QKI: variants seen among roughly 807,000 people sequenced by gnomAD.
The protein encoded by QKI is KH domain-containing RNA-binding protein QKI.
QKI carries 10 observed loss-of-function variants against 39.0 expected under a neutral mutation model. The observed-to-expected ratio is 0.26, with a 90% CI of 0.16 to 0.43. The LOEUF (loss-of-function observed/expected upper bound fraction) is 0.43, where lower values mean the gene tolerates loss of function less well. Ranked by LOEUF, QKI falls within the 20% of genes least tolerant of loss-of-function variation. QKI has a pLI of 1.00. For synonymous variants in QKI, 204 were observed against 155.4 expected (o/e 1.31, Z -2.33); for missense variants, 218 against 428.0 (o/e 0.51, Z 4.33).
intron 1 of QKI, among the ~76,000 whole-genome samples, chr6:163,440,800 G>C (rs541131561): frequency 2.9e-4 from 44 of 152,122 alleles, no homozygotes; most frequent in African/African-American, 9.6e-4. Context: ...CTGGTACAGA[G>C]TAGGTGTAAA....
intron 3 of QKI, among the ~76,000 whole-genome samples, chr6:163,483,191 A>G (rs1562476907): frequency 6.6e-6 from 1 of 152,238 alleles, no homozygotes; most frequent in Non-Finnish European, 1.5e-5. Flanking sequence ...TAGTTTAAAA[A>G]TACTTTATTG....
intron 1 of QKI, among the ~76,000 whole-genome samples, chr6:163,417,883 A>G (rs767445327): frequency 2.6e-5 from 4 of 152,184 alleles, no homozygotes; most frequent in African/African-American, 4.8e-5. Flanking sequence ...AAAAAGGGCT[A>G]TTCCTTAGTG....
At chr6:163,526,300 A>G (rs371496197) in intron 3 of QKI, among the ~76,000 whole-genome samples, 1 of 152,228 alleles carries the variant, frequency 6.6e-6, no homozygotes, top group Non-Finnish European at 1.5e-5. Flanking sequence ...CTGGTATACT[A>G]TCAGTAAATA....
intron 3 of QKI, among the ~76,000 whole-genome samples, chr6:163,516,129 T>C (rs992827362): frequency 6.6e-6 from 1 of 152,166 alleles, no homozygotes; most frequent in African/African-American, 2.4e-5. Context: ...CCTTCATTAA[T>C]GTCTTTCCTT....
chr6:163,472,318 G>A (rs925242345), intron 2 of QKI, among the ~76,000 whole-genome samples: 9 of 152,102 alleles, frequency 5.9e-5, no homozygotes, highest in African/African-American at 2.2e-4. Context: ...CTTCATCCTG[G>A]TGGTCTTTAC....
chr6:163,537,669 T>G (rs1781284240), intron 4 of QKI, among the ~76,000 whole-genome samples: 1 of 152,230 alleles, frequency 6.6e-6, no homozygotes, highest in Non-Finnish European at 1.5e-5. Flanking sequence ...TTGGGTAGTT[T>G]AGACTTTTTA....
chr6:163,525,666 T>C (rs1780466119), intron 3 of QKI, among the ~76,000 whole-genome samples: 1 of 152,076 alleles, frequency 6.6e-6, no homozygotes, highest in Non-Finnish European at 1.5e-5. Context: ...CGCCCGGCCA[T>C]CTTGTTTCTT....
At chr6:163,514,762 G>A (rs1180961154) in intron 3 of QKI, among the ~76,000 whole-genome samples, 12 of 152,126 alleles carry the variant, frequency 7.9e-5, no homozygotes, top group Non-Finnish European at 1.8e-4. Flanking sequence ...ATCTTTTGAT[G>A]GATCACATGC....
chr6:163,534,073 A>G lies in QKI; in HGVS notation c.403-909A>G, dbSNP rs943779256. On this transcript the variant is annotated intron_variant, in intron 3 of 7. Transcript: ENST00000361752. ...CTGTGTGCCAGGTGCATTTATATTTACCATTTATATACTACTTATATATTC... is the reference window on the plus strand; with the variant it reads ...CTGTGTGCCAGGTGCATTTATATTTGCCATTTATATACTACTTATATATTC... Among the ~76,000 whole-genome samples, 6 of 152,264 alleles carry G rather than the reference A, an allele frequency of 3.9e-5. No homozygotes were observed. In the East Asian group the frequency reaches 1.2e-3, roughly 29 times the overall value.
intron 3 of QKI, among the ~76,000 whole-genome samples, chr6:163,513,239 A>G (rs552313799): frequency 3.9e-5 from 6 of 152,202 alleles, no homozygotes; most frequent in Non-Finnish European, 7.4e-5. Context: ...GGACGACTAT[A>G]TTGATGATTA....
intron 2 of QKI, among the ~76,000 whole-genome samples, chr6:163,464,583 A>C (rs1428435087): frequency 6.6e-6 from 1 of 152,184 alleles, no homozygotes; most frequent in Non-Finnish European, 1.5e-5. Context: ...AATTGAACAA[A>C]CTAGAAGAAA....
intron 3 of QKI, among the ~76,000 whole-genome samples, chr6:163,519,836 T>C (rs563145790): frequency 6.6e-6 from 1 of 152,260 alleles, no homozygotes. Context: ...TTGTTTAATA[T>C]CTCAGAAAAT....
At chr6:163,558,409 T>TC (rs1370044116) in intron 4 of QKI, among the ~76,000 whole-genome samples, 1 of 150,842 alleles carries the variant, frequency 6.6e-6, no homozygotes, top group Non-Finnish European at 1.5e-5. Flanking sequence ...TTTTTCTTTT[T>TC]TTTTTTTTTT....
At chr6:163,552,957 G>C (rs1006031898) in intron 4 of QKI, among the ~76,000 whole-genome samples, 1 of 150,876 alleles carries the variant, frequency 6.6e-6, no homozygotes, top group African/African-American at 2.4e-5. Context: ...CACCACTCCC[G>C]CCACAGTGGG....
chr6:163,495,135 G>T (rs1048540175), intron 3 of QKI, among the ~76,000 whole-genome samples: 1 of 152,010 alleles, frequency 6.6e-6, no homozygotes, highest in Non-Finnish European at 1.5e-5. Context: ...CGCTGGTCTC[G>T]AACTCCTGAC....
At chr6:163,497,712 C>T (rs1778501193) in intron 3 of QKI, among the ~76,000 whole-genome samples, 1 of 149,752 alleles carries the variant, frequency 6.7e-6, no homozygotes, top group Non-Finnish European at 1.5e-5. Context: ...AATTTTTCTT[C>T]TCAGTATAGC....
intron 3 of QKI, among the ~76,000 whole-genome samples, chr6:163,515,441 TATA>T (rs1188632407): frequency 2.0e-5 from 3 of 152,102 alleles, no homozygotes; most frequent in Non-Finnish European, 4.4e-5. Flanking sequence ...CAGGATTGTT[TATA>T]ATAATAATAA....
intron 3 of QKI, among the ~76,000 whole-genome samples, chr6:163,531,573 G>A (rs1423078580): frequency 2.6e-5 from 4 of 152,164 alleles, no homozygotes; most frequent in Non-Finnish European, 1.5e-5. Flanking sequence ...TTCTTAACTA[G>A]AGTCAGGTAA....
chr6:163,550,296 T>C (rs1185584532), intron 4 of QKI, among the ~76,000 whole-genome samples: 1 of 152,124 alleles, frequency 6.6e-6, no homozygotes, highest in East Asian at 1.9e-4. Flanking sequence ...GTCTTCCTCA[T>C]CTTATGAAGC....
Sources: gnomAD v4.1 joint callset for allele counts (sites outside exome capture counted in the v4.1 genomes callset) on GRCh38, gnomAD v4.1.1 for gene constraint, MANE v1.5 for transcripts, NCBI Gene and HGNC (gene_info 2026-07-23, HGNC 2026-07-21) for gene names.